The following SUGP2 variants were observed in gnomAD, a reference collection of about 807,000 sequenced individuals.
SUGP2 encodes SURP and G-patch domain containing 2, also known as SURP and G-patch domain-containing protein 2.
A neutral mutation model predicts 90.5 loss-of-function variants in SUGP2; 24 were observed. The observed-to-expected ratio is 0.27, with a 90% CI of 0.19 to 0.37. The LOEUF is 0.37. Among genes scored for constraint, SUGP2 ranks in the 10% least tolerant of loss-of-function variants. The pLI is 1.00. For synonymous variants in SUGP2, 473 were observed against 513.4 expected (o/e 0.92, Z 1.06); for missense variants, 1,233 against 1,363.3 (o/e 0.90, Z 1.51).
chr19:19,024,005 C>T (rs778715974), intron 3 of SUGP2, among the ~76,000 whole-genome samples: 20 of 152,086 alleles, frequency 1.3e-4, no homozygotes, highest in Non-Finnish European at 2.5e-4. Context: ...ACGAATCCCC[C>T]GGATGATATA....
chr19:19,008,267 T>C (rs2058164741), intron 6 of SUGP2, 50 bp downstream of exon 6: 1 of 1,439,986 alleles, frequency 6.9e-7, no homozygotes, highest in South Asian at 1.1e-5. Flanking sequence ...CCTTAGACTT[T>C]GTCTCTCTGA....
chr19:18,994,721 C>G, intron 9 of SUGP2: 1 of 568,616 alleles, frequency 1.8e-6, no homozygotes, highest in Non-Finnish European at 3.1e-6. Context: ...AATGCCTTAC[C>G]CAGCAGGAAC....
chr19:19,024,309 C>T (rs138135414), intron 3 of SUGP2, among the ~76,000 whole-genome samples: 27 of 151,694 alleles, frequency 1.8e-4, no homozygotes, highest in African/African-American at 6.3e-4. Context: ...TGGGGTTTCA[C>T]CATGTTGGCC....
chr19:19,008,299 AC>A lies in SUGP2; in HGVS notation c.2450+17del. ...CTGAGAAAGAAAAAGGTGTGATGAG[AC>A]CCGGGGGGGTACGTACCACAGGTCA... On this transcript the variant is annotated intron_variant, in intron 6 of 10. Transcript: ENST00000452918. 1 of 1,589,374 alleles carries A rather than the reference AC, an allele frequency of 6.3e-7. No individual in the cohort carries two copies. Among genetic ancestry groups the A allele is most frequent in the South Asian group, 1.1e-5 (1 of 90,612 alleles).
chr19:19,001,525 C>T, intron 8 of SUGP2, 88 bp downstream of exon 8: 1 of 1,335,050 alleles, frequency 7.5e-7, no homozygotes, highest in African/African-American at 1.4e-5. Flanking sequence ...GTTAGCACAG[C>T]TTAATCACAA....
chr19:19,031,403 G>A (rs555312429), intron 1 of SUGP2, among the ~76,000 whole-genome samples: 1 of 152,194 alleles, frequency 6.6e-6, no homozygotes, highest in Admixed American at 6.5e-5. Context: ...GCATGGTGGT[G>A]CCTGCCTTTA....
chr19:19,001,799 G>T (rs187762400), intron 7 of SUGP2, 125 bp from the exon 8 acceptor site: 2 of 908,042 alleles, frequency 2.2e-6, no homozygotes, highest in African/African-American at 1.6e-5. Context: ...CTTAGGCTCT[G>T]CATGGCAGCT....
chr19:19,018,747 C>T (rs1158137048), intron 4 of SUGP2, among the ~76,000 whole-genome samples: 1 of 145,766 alleles, frequency 6.9e-6, no homozygotes, highest in Non-Finnish European at 1.5e-5. Context: ...AAGCAAAAGA[C>T]AGTTTAACAA....
At position 19,024,962 on chromosome 19, in the gene SUGP2, G is replaced by C. The variant is rs764890408; in HGVS notation, c.1386C>G (p.Pro462=). 4.2e-5 allele frequency: 67 copies of C among 1,614,084 alleles called. No homozygotes were observed. The highest frequency in any genetic ancestry group is 5.5e-5 in the Non-Finnish European group (65 of 1,180,046). Residue 462 remains proline (P), a synonymous_variant, in exon 3 of 11, where the codon CCC becomes CCG. Transcript: ENST00000452918. The part of the protein sequence containing the change: ...LSVKMKTLSN[P]LDLALALETT... ...TTTCTAGGGCAAGAGCCAAGTCCAG[G>C]GGGTTACTGAGGGTCTTCATCTTGA...
At chr19:19,028,217 C>T (rs2059008436) in intron 2 of SUGP2, among the ~76,000 whole-genome samples, 1 of 152,260 alleles carries the variant, frequency 6.6e-6, no homozygotes, top group South Asian at 2.1e-4. Flanking sequence ...TTTTAAAAGG[C>T]CCCCAGGTGA....
chr19:19,018,110 C>T (rs371545608), intron 4 of SUGP2, among the ~76,000 whole-genome samples: 1 of 151,802 alleles, frequency 6.6e-6, no homozygotes, highest in Non-Finnish European at 1.5e-5. Context: ...GACCTTCCAC[C>T]CTCACACCCC....
At chr19:19,000,213 G>A (rs1196975025) in intron 8 of SUGP2, among the ~76,000 whole-genome samples, 1 of 152,028 alleles carries the variant, frequency 6.6e-6, no homozygotes, top group Non-Finnish European at 1.5e-5. Flanking sequence ...TCTCTACCGA[G>A]GCTGTGCCCT....
At chr19:19,030,743 G>A (rs538652594) in intron 2 of SUGP2, among the ~76,000 whole-genome samples, 11 of 152,166 alleles carry the variant, frequency 7.2e-5, no homozygotes, top group Admixed American at 3.3e-4. Flanking sequence ...CTAAAACTGC[G>A]CCACTGCACT....
In SUGP2 at chr19:18,991,990, G is replaced by A. The variant is rs1461851938; in HGVS notation, c.*1751C>T. On this transcript the variant is annotated 3_prime_UTR_variant, in exon 11 of 11. Transcript: ENST00000452918. ...GGTGGTGGCACTGCAAGGTGACAGG[G>A]ACCAGGCAGACAAGGAGCTGGGACC... 1.3e-5 allele frequency: 2 copies of A among 152,254 alleles called. No individual in the cohort carries two copies. The highest frequency in any genetic ancestry group is 2.4e-5 in the African/African-American group (1 of 41,424). 9.4% of individuals were successfully genotyped at this position (152,254 alleles called of 1,614,324 possible). A position where few individuals can be genotyped will look rare whatever the true frequency, so the allele number is the denominator to read the frequency against.
intron 4 of SUGP2, among the ~76,000 whole-genome samples, chr19:19,010,913 G>A: frequency 6.6e-6 from 1 of 152,032 alleles, no homozygotes; most frequent in East Asian, 1.9e-4. Flanking sequence ...GCTGAGGCGG[G>A]AGGATTGCTT....
At chr19:19,000,768 T>C (rs956315512) in intron 8 of SUGP2, among the ~76,000 whole-genome samples, 7 of 150,574 alleles carry the variant, frequency 4.6e-5, no homozygotes, top group Non-Finnish European at 1.5e-5. Context: ...GGTGCAGTGG[T>C]GCAATCAGCT....
In SUGP2 at chr19:19,025,064, G is replaced by A. The variant is rs1408533199; in HGVS notation, c.1284C>T (p.Tyr428=). The change falls in exon 3 of 11, where the codon TAC becomes TAT. Residue 428 remains tyrosine, a synonymous_variant. Transcript: ENST00000452918. ...GAAGCCGGTCTTGAAGTCTCATTAT[G>A]TACTTGTCAAAAGGCTTTATGATTT... is the stretch of plus-strand genomic sequence containing the variant. ...FFEIIKPFDK[Y]IMRLQDRLLK... 6.2e-7 allele frequency: 1 copy of A among 1,614,166 alleles called. No individual in the cohort carries two copies. The highest frequency in any genetic ancestry group is 2.2e-5 in the East Asian group (1 of 44,884).
chr19:19,024,590 C>A, intron 3 of SUGP2, 29 bp downstream of exon 3: 1 of 1,565,732 alleles, frequency 6.4e-7, no homozygotes, highest in South Asian at 1.2e-5. Context: ...CGAAAAACAA[C>A]AAATAGAAAC....
intron 2 of SUGP2, among the ~76,000 whole-genome samples, chr19:19,026,964 A>G (rs74843458): frequency 0.015 from 2,280 of 152,304 alleles, 53 homozygotes; most frequent in African/African-American, 0.052. Flanking sequence ...ACAGTGCCCA[A>G]TTCTGTCCTT....
Sources: allele counts gnomAD v4.1 joint callset (sites outside exome capture counted in the v4.1 genomes callset), GRCh38; gene constraint gnomAD v4.1.1; transcripts MANE v1.5; gene names NCBI Gene and HGNC (gene_info 2026-07-23, HGNC 2026-07-21).